Variants in DCTN4 observed in about 807,000 individuals in gnomAD.
DCTN4 encodes the protein dynactin subunit 4.
In DCTN4, 23 loss-of-function variants were observed where a neutral mutation model predicts 62.7. The ratio of observed to expected loss-of-function variants is 0.37; its 90% CI spans 0.26 to 0.52. DCTN4 has a LOEUF of 0.52. Among genes scored for constraint, DCTN4 ranks in the 20% least tolerant of loss-of-function variants. The pLI, the probability that DCTN4 is intolerant of heterozygous loss-of-function variation, is 0.92. For synonymous variants in DCTN4, 199 were observed against 202.1 expected, an observed-to-expected ratio of 0.98 and a Z score of 0.13; for missense variants, 514 against 580.4, an observed-to-expected ratio of 0.89 and a Z score of 1.18.
rs1036213808 is a variant in DCTN4, at chr5:150,741,193, C to A, written c.429+921G>T. ...AAAAAAAAAAAAAAAAAAGTTCAAA[C>A]ACTATACACATGAAAAGAATAAAAA... On this transcript the variant is annotated intron_variant, in intron 4 of 12. Coordinates refer to ENST00000447998, the MANE Select transcript of DCTN4 (RefSeq NM_016221.4). Among the ~76,000 whole-genome samples, 794 of 134,128 alleles carry A rather than the reference C, an allele frequency of 5.9e-3. 5 individuals are homozygous for A. Among genetic ancestry groups the A allele is most frequent in the African/African-American group, 0.022 (747 of 33,476 alleles). 88.0% of individuals were successfully genotyped at this position (134,128 alleles called of 152,430 possible). A position where few individuals can be genotyped will look rare whatever the true frequency, so the allele number is the denominator to read the frequency against.
Position 150,757,390 on chromosome 5 carries a change from T to C in DCTN4, c.136-903A>G, listed in dbSNP as rs1752900465. 1.3e-5 allele frequency among the ~76,000 whole-genome samples: 2 copies of C among 152,190 alleles called. 1 individual carries two copies. The highest frequency in any genetic ancestry group is 4.1e-4 in the South Asian group (2 of 4,830). On this transcript the variant is annotated intron_variant, in intron 1 of 12. Coordinates refer to ENST00000447998, the MANE Select transcript of DCTN4 (RefSeq NM_016221.4). ...GTTCATGTGCAGCTCCAGACCCAGA[T>C]TCTCCATTAGAACTTCACTGCCTGC... is the stretch of plus-strand genomic sequence containing the variant.
chr5:150,738,672 T>G (rs192867816), intron 4 of DCTN4, among the ~76,000 whole-genome samples: 1 of 152,120 alleles, frequency 6.6e-6, no homozygotes, highest in African/African-American at 2.4e-5. Context: ...CAGGGAAAAG[T>G]TGAAAACATT....
chr5:150,735,749 T>C lies in DCTN4; in HGVS notation c.430-2274A>G, dbSNP rs114633673. 5.5e-3 allele frequency among the ~76,000 whole-genome samples: 842 copies of C among 151,852 alleles called. 6 individuals are homozygous for C. The highest frequency in any genetic ancestry group is 0.02 in the African/African-American group (817 of 41,394). On this transcript the variant is annotated intron_variant, in intron 4 of 12. Coordinates refer to ENST00000447998, the MANE Select transcript of DCTN4 (RefSeq NM_016221.4). ...ATTCTGGTAATATGACAAAGCAAGG[T>C]TCTTTAACACCCCAAAAAGATTACA... is the stretch of plus-strand genomic sequence containing the variant.
chr5:150,713,945 C>T (rs1292819761), intron 12 of DCTN4, among the ~76,000 whole-genome samples: 2 of 151,546 alleles, frequency 1.3e-5, no homozygotes, highest in Non-Finnish European at 2.9e-5. Flanking sequence ...GGCAAAACCC[C>T]ATCTCTACTA....
chr5:150,723,898 TAG>T (rs1760042652), intron 8 of DCTN4, among the ~76,000 whole-genome samples: 1 of 152,236 alleles, frequency 6.6e-6, no homozygotes, highest in South Asian at 2.1e-4. Flanking sequence ...TCAGTACATA[TAG>T]AGAGGCCTCT....
At chr5:150,713,261 A>G (rs1262270644) in intron 12 of DCTN4, among the ~76,000 whole-genome samples, 1 of 152,044 alleles carries the variant, frequency 6.6e-6, no homozygotes, top group Non-Finnish European at 1.5e-5. Flanking sequence ...GCTTTTCCAA[A>G]ACAAATTTGG....
intron 12 of DCTN4, among the ~76,000 whole-genome samples, chr5:150,714,711 A>C (rs1052903184): frequency 1.3e-5 from 2 of 152,102 alleles, no homozygotes; most frequent in African/African-American, 4.8e-5. Flanking sequence ...AGTGGCAGTA[A>C]GCAGTTGAAG....
chr5:150,712,428 C>A (rs1389690145), intron 12 of DCTN4, among the ~76,000 whole-genome samples: 1 of 150,928 alleles, frequency 6.6e-6, no homozygotes, highest in African/African-American at 2.4e-5. Context: ...ATGCACCCGG[C>A]CTTATTTTTA....
chr5:150,755,575 G>GA (rs1466979535), intron 2 of DCTN4: 2 of 455,740 alleles, frequency 4.4e-6, no homozygotes, highest in Admixed American at 2.4e-5. Context: ...AGTCTGATGA[G>GA]AAAAAAACAT....
chr5:150,732,010 G>T (rs1396099229), intron 5 of DCTN4: 3 of 978,520 alleles, frequency 3.1e-6, no homozygotes, highest in African/African-American at 1.6e-5. Context: ...AAAATTGGAA[G>T]AATAATTCAT....
Position 150,711,027 on chromosome 5 carries a change from T to C in DCTN4, c.*122A>G, listed in dbSNP as rs769297008. On this transcript the variant is annotated 3_prime_UTR_variant, in exon 13 of 13. Coordinates refer to ENST00000447998, the MANE Select transcript of DCTN4 (RefSeq NM_016221.4). ...GCCTATGCTCCCACTTTCTTAGCAA[T>C]AGAATTCCGTAGTGCATGGGTACAT... The C allele has an allele frequency of 4.2e-6, 4 of 959,600 alleles. No individual in the cohort carries two copies. Among genetic ancestry groups the C allele is most frequent in the Non-Finnish European group, 6.3e-6 (4 of 639,242 alleles). The allele number at this position is 959,600 out of a possible 1,614,324, so 59.4% of individuals were successfully genotyped here.
intron 8 of DCTN4, among the ~76,000 whole-genome samples, chr5:150,725,157 CAAAA>C (rs966438340): frequency 3.7e-5 from 2 of 53,394 alleles, no homozygotes; most frequent in Non-Finnish European, 8.8e-5. Context: ...GACTCCGTCT[CAAAA>C]AAAAAAAAAA....
At chr5:150,731,792 A>G (rs909135414) in intron 5 of DCTN4, 1 of 1,135,020 alleles carries the variant, frequency 8.8e-7, no homozygotes, top group Non-Finnish European at 1.3e-6. Context: ...AACTATGTGG[A>G]GTGTCTAAGA....
At chr5:150,725,821 A>G (rs984537588) in intron 8 of DCTN4, among the ~76,000 whole-genome samples, 1 of 152,228 alleles carries the variant, frequency 6.6e-6, no homozygotes, top group Non-Finnish European at 1.5e-5. Context: ...AACAATCATG[A>G]AAGTTGGTAG....
chr5:150,736,336 A>C (rs1482792889), intron 4 of DCTN4: 1 of 152,244 alleles, frequency 6.6e-6, no homozygotes, highest in African/African-American at 2.4e-5. Context: ...AGACAAAGGA[A>C]AGAATCTTAA....
chr5:150,733,622 T>C (rs538150245), intron 4 of DCTN4, 147 bp from the exon 5 acceptor site: 28 of 530,822 alleles, frequency 5.3e-5, no homozygotes, highest in Middle Eastern at 9.0e-4. Flanking sequence ...AGATAATTTT[T>C]CTTCGTTATG....
At chr5:150,758,765 G>C in intron 1 of DCTN4, 94 bp downstream of exon 1, 1 of 1,530,772 alleles carries the variant, frequency 6.5e-7, no homozygotes. Context: ...AATCAGTAAG[G>C]AAGGAAAATA....
chr5:150,731,555 G>C (rs567528516), intron 5 of DCTN4, 66 bp from the exon 6 acceptor site: 2 of 1,328,940 alleles, frequency 1.5e-6, no homozygotes, highest in East Asian at 4.6e-5. Flanking sequence ...TCAAAAGAAA[G>C]AATTTTGGGT....
chr5:150,747,840 G>A (rs1453164577), intron 3 of DCTN4, among the ~76,000 whole-genome samples: 3 of 147,736 alleles, frequency 2.0e-5, no homozygotes, highest in Non-Finnish European at 3.0e-5. Flanking sequence ...AAAAACCCTA[G>A]AAGAAAACCT....
Sources: allele counts gnomAD v4.1 joint callset (sites outside exome capture counted in the v4.1 genomes callset), GRCh38; gene constraint gnomAD v4.1.1; transcripts MANE v1.5; gene names NCBI Gene and HGNC (gene_info 2026-07-23, HGNC 2026-07-21).